The following NEDD4L variants were observed in gnomAD, a reference collection of about 807,000 sequenced individuals.
NEDD4L encodes the protein E3 ubiquitin-protein ligase NEDD4-like.
NEDD4L carries 54 observed loss-of-function variants against 148.9 expected under a neutral mutation model. That is an observed-to-expected ratio of 0.36 (90% CI 0.29 to 0.45). The LOEUF (loss-of-function observed/expected upper bound fraction) is 0.45, where lower values mean the gene tolerates loss of function less well. Among genes scored for constraint, NEDD4L ranks in the 20% least tolerant of loss-of-function variants. The pLI is 1.00. For missense variants in NEDD4L, 856 were observed against 1,233.8 expected (o/e 0.69, Z 4.59); for synonymous variants, 433 against 440.7 (o/e 0.98, Z 0.22).
At chr18:58,356,288 CT>C (rs34623575) in intron 18 of NEDD4L, among the ~76,000 whole-genome samples, 46,386 of 136,482 alleles carry the variant, frequency 0.34, 6,673 homozygotes, top group African/African-American at 0.52. Flanking sequence ...TTTTCTTCTT[CT>C]TTTTTTTTTT....
intron 1 of NEDD4L, among the ~76,000 whole-genome samples, chr18:58,076,797 A>G (rs2083184278): frequency 6.6e-6 from 1 of 151,834 alleles, no homozygotes; most frequent in South Asian, 2.1e-4. Context: ...ATGTACAGTG[A>G]GCACCCATAT....
intron 5 of NEDD4L, among the ~76,000 whole-genome samples, chr18:58,291,629 C>T (rs1026743333): frequency 5.3e-5 from 8 of 152,116 alleles, no homozygotes; most frequent in African/African-American, 1.7e-4. Flanking sequence ...CAATCTTTGC[C>T]TAGGAAAGAC....
chr18:58,274,185 C>T (rs2051508302), intron 5 of NEDD4L, among the ~76,000 whole-genome samples: 1 of 152,178 alleles, frequency 6.6e-6, no homozygotes, highest in Non-Finnish European at 1.5e-5. Context: ...TTGGATGCTC[C>T]AGCCCATCAC....
At chr18:58,276,567 G>T (rs2052050535) in intron 5 of NEDD4L, among the ~76,000 whole-genome samples, 1 of 151,886 alleles carries the variant, frequency 6.6e-6, no homozygotes, top group African/African-American at 2.4e-5. Flanking sequence ...TTCTGAATCT[G>T]TTTCCCTATT....
At chr18:58,146,734 G>A (rs2034134191) in intron 1 of NEDD4L, among the ~76,000 whole-genome samples, 2 of 152,212 alleles carry the variant, frequency 1.3e-5, no homozygotes, top group African/African-American at 4.8e-5. Context: ...GTGGAAGGGT[G>A]CAGAGCTGCT....
intron 2 of NEDD4L, chr18:58,221,436 C>T: frequency 2.4e-6 from 1 of 416,482 alleles, no homozygotes; most frequent in Non-Finnish European, 3.2e-6. Flanking sequence ...AATTGCTGAG[C>T]TGGGTGGAGC....
chr18:58,278,146 A>G (rs2052433057), intron 5 of NEDD4L, among the ~76,000 whole-genome samples: 1 of 152,140 alleles, frequency 6.6e-6, no homozygotes, highest in Non-Finnish European at 1.5e-5. Context: ...TAGTTCTTTG[A>G]TAGAATTAAA....
intron 2 of NEDD4L, among the ~76,000 whole-genome samples, chr18:58,170,354 A>G (rs2037420833): frequency 7.8e-6 from 1 of 128,698 alleles, no homozygotes. Context: ...CCCCAGCCCA[A>G]GAGGACAGAA....
intron 1 of NEDD4L, among the ~76,000 whole-genome samples, chr18:58,135,048 C>G (rs939059307): frequency 1.4e-5 from 2 of 147,298 alleles, no homozygotes; most frequent in African/African-American, 5.1e-5. Context: ...TGCCTCAAAT[C>G]AAGGGTTTCA....
chr18:58,195,322 C>T, intron 2 of NEDD4L: 9 of 910,638 alleles, frequency 9.9e-6, no homozygotes, highest in Non-Finnish European at 1.3e-5. Context: ...GTTTGAATTG[C>T]TTTTTTGTGT....
intron 1 of NEDD4L, among the ~76,000 whole-genome samples, chr18:58,110,498 G>T (rs1267179839): frequency 1.3e-5 from 2 of 152,218 alleles, no homozygotes; most frequent in Non-Finnish European, 2.9e-5. Context: ...TGGCTCTTGA[G>T]CTAAGCTTTT....
intron 25 of NEDD4L, 26 bp downstream of exon 25, chr18:58,383,345 T>C: frequency 8.0e-7 from 1 of 1,246,076 alleles, no homozygotes; most frequent in Admixed American, 2.0e-5. Context: ...TTTACTGCCT[T>C]TTCTTTGAAT....
chr18:58,119,404 G>A (rs2086077599), intron 1 of NEDD4L, among the ~76,000 whole-genome samples: 1 of 152,114 alleles, frequency 6.6e-6, no homozygotes, highest in African/African-American at 2.4e-5. Flanking sequence ...TGGTTTCTGG[G>A]CCTCCCTGGA....
intron 1 of NEDD4L, among the ~76,000 whole-genome samples, chr18:58,151,796 TG>T (rs912647531): frequency 1.7e-4 from 26 of 151,928 alleles, no homozygotes; most frequent in African/African-American, 5.8e-4. Flanking sequence ...GTCGGTGAGG[TG>T]GGGTGGTGTG....
chr18:58,082,342 G>A (rs111974042), intron 1 of NEDD4L, among the ~76,000 whole-genome samples: 3,324 of 147,070 alleles, frequency 0.023, 116 homozygotes, highest in African/African-American at 0.078. Flanking sequence ...TTCTGACCTC[G>A]TGATCCACCC....
At chr18:58,165,660 T>C in intron 1 of NEDD4L, 128 bp from the exon 2 acceptor site, 1 of 1,532,146 alleles carries the variant, frequency 6.5e-7, no homozygotes, top group Non-Finnish European at 8.8e-7. Flanking sequence ...GAATTGCTTA[T>C]GCTCGAATTG....
intron 1 of NEDD4L, among the ~76,000 whole-genome samples, chr18:58,071,039 A>AC (rs1568173089): frequency 1.3e-5 from 2 of 151,420 alleles, no homozygotes; most frequent in African/African-American, 4.9e-5. Flanking sequence ...AGGTTAAAAA[A>AC]ACACACACAC....
chr18:58,068,924 G>A (rs2082737246), intron 1 of NEDD4L, among the ~76,000 whole-genome samples: 1 of 152,102 alleles, frequency 6.6e-6, no homozygotes, highest in African/African-American at 2.4e-5. Context: ...ATCATTTGAG[G>A]TCAGGAGTTC....
At chr18:58,348,238 TCCTCCCGCCTTGG>T (rs1282246091) in intron 16 of NEDD4L, among the ~76,000 whole-genome samples, 1 of 151,832 alleles carries the variant, frequency 6.6e-6, no homozygotes, top group South Asian at 2.1e-4. Context: ...GCTCAAGCAG[TCCTCCCGCCTTGG>T]CCTCCCAAAG....
Sources: gnomAD v4.1 joint callset for allele counts (sites outside exome capture counted in the v4.1 genomes callset) on GRCh38, gnomAD v4.1.1 for gene constraint, MANE v1.5 for transcripts, NCBI Gene and HGNC (gene_info 2026-07-23, HGNC 2026-07-21) for gene names.